D2HGDH: variants seen among roughly 807,000 people sequenced by gnomAD.
D2HGDH encodes D-2-hydroxyglutarate dehydrogenase, mitochondrial.
A neutral mutation model predicts 46.9 loss-of-function variants in D2HGDH; 31 were observed. The observed-to-expected ratio is 0.66, with a 90% CI of 0.50 to 0.89. The LOEUF (loss-of-function observed/expected upper bound fraction) is 0.89. Among genes scored for constraint, D2HGDH ranks in the 40% least tolerant of loss-of-function variants. The pLI, the probability that D2HGDH is intolerant of heterozygous loss-of-function variation, is 0.00. For synonymous variants in D2HGDH, 364 were observed against 332.6 expected (o/e 1.09, Z -1.03); for missense variants, 698 against 720.8 (o/e 0.97, Z 0.36).
chr2:241,750,218 G>C lies in D2HGDH; in HGVS notation c.921G>C (p.Leu307=). The C allele has an allele frequency of 6.2e-7, 1 of 1,614,096 alleles. No homozygotes were observed. The stretch of plus-strand genomic sequence containing the variant: ...GCAAGGGGATGCTGGGTGAGATCCT[G>C]TCTGCATTCGAGTTCATGGATGCTG... The part of the protein sequence containing the change: ...STCKGMLGEI[L]SAFEFMDAVC... Residue 307 remains leucine, a synonymous_variant, in exon 7 of 10, where the codon CTG becomes CTC. Transcript: ENST00000321264.
chr2:241,749,498 T>A, intron 6 of D2HGDH: 2 of 781,578 alleles, frequency 2.6e-6, no homozygotes, highest in Non-Finnish European at 1.7e-6. Context: ...AGGGTCGGCT[T>A]CCCCAGGGCA....
In D2HGDH at chr2:241,740,995, C is replaced by T. The variant is rs1473502277; in HGVS notation, c.293-38C>T. On this transcript the variant is annotated intron_variant, in intron 2 of 9. Transcript: ENST00000321264. ...TGACCACTTGCCTCATCTGCAGCTC[C>T]CCCCACGCTGTCTCATAGGATCTTC... The T allele has an allele frequency of 1.9e-6, 3 of 1,582,052 alleles. No individual in the cohort carries two copies. The Admixed American group carries it at 5.0e-5, about 26-fold the overall frequency.
At chr2:241,744,481 C>T (rs1472553210) in intron 5 of D2HGDH, among the ~76,000 whole-genome samples, 1 of 152,230 alleles carries the variant, frequency 6.6e-6, no homozygotes, top group Non-Finnish European at 1.5e-5. Context: ...CTGGGCTGGG[C>T]TCACGCCCTA....
chr2:241,742,225 TC>T lies in D2HGDH; in HGVS notation c.351-208del, dbSNP rs1250370458. On this transcript the variant is annotated intron_variant, in intron 3 of 9. Coordinates refer to ENST00000321264, the MANE Select transcript of D2HGDH (RefSeq NM_152783.5). The surrounding 1 kb of genome is among the most constrained non-coding windows in gnomAD (Gnocchi z 4.8). ...GGACGTCAGAATCGGGGCCTCCACT[TC>T]CGTCTCCCTGTGCACAGCTTTCGGA... Among the ~76,000 whole-genome samples the T allele has an allele frequency of 4.6e-5, 7 of 152,196 alleles. No individual in the cohort carries two copies. Among genetic ancestry groups the T allele is most frequent in the African/African-American group, 1.7e-4 (7 of 41,438 alleles).
At chr2:241,758,667 T>G (rs1335755759) in intron 9 of D2HGDH, among the ~76,000 whole-genome samples, 3 of 152,034 alleles carry the variant, frequency 2.0e-5, no homozygotes, top group Non-Finnish European at 4.4e-5. Flanking sequence ...TCTCAGTACT[T>G]CAGGAAGCCA....
intron 6 of D2HGDH, among the ~76,000 whole-genome samples, chr2:241,746,007 G>A (rs1431051367): frequency 6.6e-6 from 1 of 152,116 alleles, no homozygotes; most frequent in Non-Finnish European, 1.5e-5. Context: ...ATCTTCTAAA[G>A]TTTTCAGTGT....
chr2:241,751,462 G>A, intron 8 of D2HGDH, 74 bp downstream of exon 8: 6 of 1,586,850 alleles, frequency 3.8e-6, no homozygotes, highest in South Asian at 1.1e-5. Flanking sequence ...TGCCTGGAAC[G>A]GTCATTGGTG....
rs1024309952 is a variant in D2HGDH, at chr2:241,737,643, C to T, written c.292+2127C>T. Among the ~76,000 whole-genome samples the T allele has an allele frequency of 4.6e-5, 7 of 152,270 alleles. No homozygotes were observed. In the South Asian group the frequency reaches 1.0e-3, roughly 23 times the overall value. On this transcript the variant is annotated intron_variant, in intron 2 of 9. Transcript: ENST00000321264. ...TAGCTGGGACTACAGCTGGGTTACA[C>T]GCCTGTAACCCAGTTCTGTGGGAGA...
rs1694880755 is a variant in D2HGDH, at chr2:241,742,910, T to A, written c.490+336T>A. 7.8e-6 allele frequency among the ~76,000 whole-genome samples: 1 copy of A among 128,108 alleles called. No homozygotes were observed. Among genetic ancestry groups the A allele is most frequent in the Non-Finnish European group, 1.6e-5 (1 of 61,058 alleles). The allele number at this position is 128,108 out of a possible 152,430, so 84.0% of individuals were successfully genotyped here. A position where few individuals can be genotyped will look rare whatever the true frequency, so the allele number is the denominator to read the frequency against. Reference sequence around the variant, plus strand: ...GATCCTGACCCAGGGCGCCAGGGCGTGGCAGGCGTGAGGGGATCCTGACCC... The same window carrying A: ...GATCCTGACCCAGGGCGCCAGGGCGAGGCAGGCGTGAGGGGATCCTGACCC... On this transcript the variant is annotated intron_variant, in intron 4 of 9. Coordinates refer to ENST00000321264, the MANE Select transcript of D2HGDH (RefSeq NM_152783.5). This position sits in a 1 kb window ranked among gnomAD's most constrained non-coding sequence, Gnocchi z 4.8.
At chr2:241,762,338 G>C (rs1698905629) in intron 9 of D2HGDH, among the ~76,000 whole-genome samples, 1 of 152,188 alleles carries the variant, frequency 6.6e-6, no homozygotes, top group Admixed American at 6.5e-5. Context: ...CCAAAGTGCT[G>C]AGATTGCAGG....
intron 6 of D2HGDH, chr2:241,748,929 T>C (rs981939621): frequency 4.8e-5 from 62 of 1,294,644 alleles, no homozygotes; most frequent in Non-Finnish European, 6.1e-5. Context: ...CGCATCCTGC[T>C]CTTCGCACTC....
chr2:241,761,761 G>T (rs191487007), intron 9 of D2HGDH, among the ~76,000 whole-genome samples: 2 of 152,156 alleles, frequency 1.3e-5, no homozygotes, highest in South Asian at 2.1e-4. Flanking sequence ...CTGATTCTGC[G>T]TAGCCAGTTT....
intron 9 of D2HGDH, among the ~76,000 whole-genome samples, chr2:241,763,487 G>C (rs144868292): frequency 8.5e-5 from 13 of 152,136 alleles, no homozygotes; most frequent in Non-Finnish European, 1.5e-4. Flanking sequence ...AGGTTGCTCT[G>C]GCGAGGCAGT....
Position 241,755,426 on chromosome 2 carries a change from G to T in D2HGDH, c.1141-423G>T, listed in dbSNP as rs555692082. ...CGTCCAGGCCCATTCTCATCCTCAG[G>T]GCCTTCCCTGGCCCTTGCCACTCTG... is the stretch of plus-strand genomic sequence containing the variant. On this transcript the variant is annotated intron_variant, in intron 8 of 9. Coordinates refer to ENST00000321264, the MANE Select transcript of D2HGDH (RefSeq NM_152783.5). 6.1e-6 allele frequency: 8 copies of T among 1,308,380 alleles called. No homozygotes were observed. In the South Asian group the frequency reaches 9.9e-5, roughly 16 times the overall value. 81.0% of individuals were successfully genotyped at this position (1,308,380 alleles called of 1,614,324 possible).
chr2:241,747,187 C>T (rs1035466389), intron 6 of D2HGDH, among the ~76,000 whole-genome samples: 8 of 152,062 alleles, frequency 5.3e-5, no homozygotes, highest in African/African-American at 7.2e-5. Context: ...TCCTAAAGTG[C>T]GGGGGTTATA....
intron 2 of D2HGDH, among the ~76,000 whole-genome samples, chr2:241,737,257 A>T (rs1227646175): frequency 6.6e-6 from 1 of 152,260 alleles, no homozygotes; most frequent in East Asian, 1.9e-4. Context: ...GGCATGAGCC[A>T]CCATGCCCAG....
intron 9 of D2HGDH, among the ~76,000 whole-genome samples, chr2:241,763,488 G>T (rs1699011054): frequency 6.6e-6 from 1 of 152,112 alleles, no homozygotes; most frequent in East Asian, 1.9e-4. Flanking sequence ...GGTTGCTCTG[G>T]CGAGGCAGTG....
In D2HGDH at chr2:241,744,894, T is replaced by C; in HGVS notation, c.853+17T>C. 1 of 1,613,942 alleles carries C rather than the reference T, an allele frequency of 6.2e-7. No homozygotes were observed. On this transcript the variant is annotated intron_variant, in intron 6 of 9. Transcript: ENST00000321264. Reference sequence around the variant, plus strand: ...CTTTCCTCGGTGGGCTTCCTCGATGTGTGCCTTGAGATGGGTGGTTGGGCT... The same window carrying C: ...CTTTCCTCGGTGGGCTTCCTCGATGCGTGCCTTGAGATGGGTGGTTGGGCT...
At chr2:241,750,318 C>T in intron 7 of D2HGDH, 24 bp downstream of exon 7, 1 of 1,576,244 alleles carries the variant, frequency 6.3e-7, no homozygotes, top group Non-Finnish European at 8.6e-7. Flanking sequence ...ACACAGGGGG[C>T]AGCTGGTCCT....
Sources: gnomAD v4.1 joint callset for allele counts (sites outside exome capture counted in the v4.1 genomes callset) on GRCh38, gnomAD v4.1.1 for gene constraint, Gnocchi (gnomAD v3.1) non-coding constraint, MANE v1.5 for transcripts, NCBI Gene and HGNC (gene_info 2026-07-23, HGNC 2026-07-21) for gene names.